The following ATP10B variants were observed in gnomAD, a reference collection of about 807,000 sequenced individuals.
ATP10B encodes phospholipid-transporting ATPase VB.
Under a neutral mutation model 141.2 loss-of-function variants are expected in ATP10B, and 122 were observed. That is an observed-to-expected ratio of 0.86 (90% CI 0.75 to 1.00). ATP10B has a LOEUF of 1.00. Among genes scored for constraint, ATP10B ranks in the 50% least tolerant of loss-of-function variants. The pLI, the probability that ATP10B is intolerant of heterozygous loss-of-function variation, is 0.00. For missense variants in ATP10B, 1,876 were observed against 1,825.3 expected (o/e 1.03, Z -0.51); for synonymous variants, 685 against 692.0 (o/e 0.99, Z 0.16).
Position 160,652,163 on chromosome 5 carries a change from T to C in ATP10B, c.676-2907A>G, listed in dbSNP as rs975229116. Reference sequence around the variant, plus strand: ...TGTCCCTTCCTCCTGCTGTGTCTCCTTTCCTGCTGAGCACAGGACTTTTGT... The same window carrying C: ...TGTCCCTTCCTCCTGCTGTGTCTCCCTTCCTGCTGAGCACAGGACTTTTGT... On this transcript the variant is annotated intron_variant, in intron 7 of 25. Coordinates refer to ENST00000327245, the MANE Select transcript of ATP10B (RefSeq NM_025153.3). 3.3e-5 allele frequency among the ~76,000 whole-genome samples: 5 copies of C among 152,124 alleles called. 1 individual carries two copies. Among genetic ancestry groups the C allele is most frequent in the Admixed American group, 3.3e-4 (5 of 15,274 alleles).
intron 7 of ATP10B, among the ~76,000 whole-genome samples, chr5:160,653,614 CAT>C (rs1212994832): frequency 4.2e-5 from 1 of 23,832 alleles, no homozygotes; most frequent in Non-Finnish European, 1.2e-4. Context: ...TACATATATA[CAT>C]ATATATTATA....
intron 2 of ATP10B, among the ~76,000 whole-genome samples, chr5:160,737,903 T>C (rs1341853995): frequency 1.3e-5 from 2 of 152,056 alleles, no homozygotes; most frequent in Non-Finnish European, 2.9e-5. Context: ...TTGGTAGAAA[T>C]AGACAAAAAA....
At chr5:160,889,285 T>A in the ATP10B span, among the ~76,000 whole-genome samples, 1 of 152,146 alleles carries the variant, frequency 6.6e-6, no homozygotes, top group African/African-American at 2.4e-5. Context: ...ACCAGGGCAG[T>A]CTGAATCGGG....
intron 13 of ATP10B, among the ~76,000 whole-genome samples, chr5:160,628,356 C>G (rs1206327184): frequency 6.6e-6 from 1 of 152,230 alleles, no homozygotes; most frequent in African/African-American, 2.4e-5. Flanking sequence ...GCTTCCTGCC[C>G]TGTGTGATCA....
intron 8 of ATP10B, among the ~76,000 whole-genome samples, chr5:160,647,121 G>C (rs147738165): frequency 6.6e-6 from 1 of 152,312 alleles, no homozygotes; most frequent in East Asian, 1.9e-4. Flanking sequence ...TTCAAAAGTC[G>C]CATTTTCAAA....
chr5:160,771,647 T>A (rs1043526545), intron 2 of ATP10B, among the ~76,000 whole-genome samples: 2 of 151,094 alleles, frequency 1.3e-5, no homozygotes, highest in Non-Finnish European at 2.9e-5. Flanking sequence ...TCTCCCCACT[T>A]TTTGTGGTAA....
At chr5:160,692,968 G>A (rs1237837091) in intron 3 of ATP10B, 5 of 152,074 alleles carry the variant, frequency 3.3e-5, no homozygotes, top group Admixed American at 3.3e-4. Flanking sequence ...CAAATATTGA[G>A]ATAAAATGAC....
chr5:160,878,429 C>A, the ATP10B span, among the ~76,000 whole-genome samples: 1 of 151,914 alleles, frequency 6.6e-6, no homozygotes, highest in Non-Finnish European at 1.5e-5. Context: ...CCATAAAAAC[C>A]CTAGAAGAAA....
At chr5:160,762,914 T>C (rs982112611) in intron 2 of ATP10B, among the ~76,000 whole-genome samples, 2 of 148,406 alleles carry the variant, frequency 1.3e-5, no homozygotes, top group African/African-American at 5.0e-5. Context: ...GGAATAGCTA[T>C]TCTTATATCA....
chr5:160,859,548 G>A, the ATP10B span, among the ~76,000 whole-genome samples: 890 of 151,322 alleles, frequency 5.9e-3, 11 homozygotes, highest in African/African-American at 0.021. Context: ...AGATAAGTCT[G>A]TTCTAATCCC....
chr5:160,624,696 A>G (rs1758522373), intron 13 of ATP10B, among the ~76,000 whole-genome samples: 1 of 152,168 alleles, frequency 6.6e-6, no homozygotes, highest in Non-Finnish European at 1.5e-5. Context: ...CATTTATATA[A>G]CCTCATCAGA....
intron 1 of ATP10B, among the ~76,000 whole-genome samples, chr5:160,804,388 T>A (rs1772626704): frequency 6.6e-6 from 1 of 152,150 alleles, no homozygotes; most frequent in Non-Finnish European, 1.5e-5. Flanking sequence ...ATATAGAGAG[T>A]GTTCTATAAA....
At chr5:160,701,464 G>T (rs1247577925) in intron 3 of ATP10B, among the ~76,000 whole-genome samples, 1 of 152,158 alleles carries the variant, frequency 6.6e-6, no homozygotes, top group Non-Finnish European at 1.5e-5. Context: ...GGGGCTATGT[G>T]TGTGCTCCAC....
intron 1 of ATP10B, among the ~76,000 whole-genome samples, chr5:160,818,204 A>G (rs887143127): frequency 1.5e-4 from 23 of 152,142 alleles, no homozygotes; most frequent in African/African-American, 2.9e-4. Flanking sequence ...CCATCAGTGT[A>G]AACAGGCAAC....
the ATP10B span, among the ~76,000 whole-genome samples, chr5:160,887,775 C>T: frequency 1.5e-3 from 224 of 152,262 alleles, 1 homozygote; most frequent in Non-Finnish European, 1.7e-3. Flanking sequence ...GTGGCTTTTT[C>T]CTGATACAGG....
the ATP10B span, among the ~76,000 whole-genome samples, chr5:160,884,013 G>A: frequency 6.6e-6 from 1 of 152,122 alleles, no homozygotes; most frequent in Non-Finnish European, 1.5e-5. Flanking sequence ...TGAATTGTTA[G>A]CACTCTTCAA....
intron 20 of ATP10B, 71 bp from the exon 21 acceptor site, chr5:160,602,773 G>T (rs1389249598): frequency 6.2e-7 from 1 of 1,601,722 alleles, no homozygotes; most frequent in South Asian, 1.1e-5. Context: ...TCTCTCAAGG[G>T]CGTTGCTTTG....
At chr5:160,683,038 C>CCT (rs1289027686) in intron 6 of ATP10B, among the ~76,000 whole-genome samples, 2 of 92,640 alleles carry the variant, frequency 2.2e-5, no homozygotes, top group Non-Finnish European at 5.0e-5. Context: ...GACTCTGTCC[C>CCT]CCAAAAAAAA....
intron 2 of ATP10B, among the ~76,000 whole-genome samples, chr5:160,768,895 A>G (rs1481989203): frequency 6.6e-6 from 1 of 152,212 alleles, no homozygotes; most frequent in Non-Finnish European, 1.5e-5. Flanking sequence ...GATGCAGAAC[A>G]CAGGGGTAAA....
Sources: allele counts gnomAD v4.1 joint callset (sites outside exome capture counted in the v4.1 genomes callset), GRCh38; gene constraint gnomAD v4.1.1; transcripts MANE v1.5; gene names NCBI Gene and HGNC (gene_info 2026-07-23, HGNC 2026-07-21).